The following NUF2 variants were observed in gnomAD, a reference collection of about 807,000 sequenced individuals.
The protein encoded by NUF2 is kinetochore protein Nuf2.
A neutral mutation model predicts 61.8 loss-of-function variants in NUF2; 34 were observed. That is an observed-to-expected ratio of 0.55 (90% CI 0.42 to 0.73). The LOEUF is 0.73. NUF2 is among the 30% of genes least tolerant of loss of function. The probability of loss-of-function intolerance (pLI) is 0.00; values close to 1 mark genes in which losing one functional copy is unlikely to be tolerated. For missense variants in NUF2, 445 were observed against 539.1 expected, an observed-to-expected ratio of 0.83 and a Z score of 1.73; for synonymous variants, 172 against 181.6, an observed-to-expected ratio of 0.95 and a Z score of 0.42.
In NUF2 at chr1:163,349,866, G is replaced by A. The variant is rs529960185; in HGVS notation, c.1260+786G>A. Among the ~76,000 whole-genome samples the A allele has an allele frequency of 3.3e-5, 5 of 151,848 alleles. No homozygotes were observed. The East Asian group carries it at 5.8e-4, about 18-fold the overall frequency. On this transcript the variant is annotated intron_variant, in intron 13 of 13. Coordinates refer to ENST00000271452, the MANE Select transcript of NUF2 (RefSeq NM_145697.3). ...AGAAATAAAATGGTTGGGATTTCAC[G>A]TCCATGGTCTTCCCAATACCTGGCC...
chr1:163,325,160 G>A (rs143705892), intron 1 of NUF2, among the ~76,000 whole-genome samples: 1 of 152,172 alleles, frequency 6.6e-6, no homozygotes, highest in Admixed American at 6.5e-5. Context: ...GCCTCCCAAA[G>A]TGCTGAGATT....
At chr1:163,330,839 T>A (rs1480379978) in intron 5 of NUF2, among the ~76,000 whole-genome samples, 1 of 152,048 alleles carries the variant, frequency 6.6e-6, no homozygotes, top group Non-Finnish European at 1.5e-5. Context: ...AAATTTAATT[T>A]AAATTTTCTG....
chr1:163,323,555 C>A lies in NUF2; in HGVS notation c.-21+1343C>A, dbSNP rs1198323418. Reference sequence around the variant, plus strand: ...GCAACATAGTGAGACCCTATCTCCACACACACACAAATTAACAGGGCGTGG... The same window carrying A: ...GCAACATAGTGAGACCCTATCTCCAAACACACACAAATTAACAGGGCGTGG... On this transcript the variant is annotated intron_variant, in intron 1 of 13. Transcript: ENST00000271452. 6.6e-5 allele frequency among the ~76,000 whole-genome samples: 10 copies of A among 151,700 alleles called. No homozygotes were observed. The East Asian group carries it at 1.9e-3, about 29-fold the overall frequency.
chr1:163,353,483 A>G (rs1273979756), intron 13 of NUF2, among the ~76,000 whole-genome samples: 1 of 152,168 alleles, frequency 6.6e-6, no homozygotes, highest in Non-Finnish European at 1.5e-5. Flanking sequence ...GGCTGGTGCA[A>G]CTGAGGGACT....
intron 13 of NUF2, among the ~76,000 whole-genome samples, chr1:163,354,419 C>T (rs929767918): frequency 6.6e-5 from 10 of 152,016 alleles, no homozygotes; most frequent in African/African-American, 2.2e-4. Context: ...GGTTCTTTTT[C>T]GGAATACTGT....
chr1:163,324,869 G>A (rs1024302869), intron 1 of NUF2, among the ~76,000 whole-genome samples: 7 of 150,416 alleles, frequency 4.7e-5, no homozygotes, highest in South Asian at 2.1e-4. Context: ...TAAATGCAAG[G>A]CTCTAGGACA....
At chr1:163,348,547 A>C (rs1571398549) in intron 12 of NUF2, among the ~76,000 whole-genome samples, 1 of 152,134 alleles carries the variant, frequency 6.6e-6, no homozygotes, top group East Asian at 1.9e-4. Context: ...AAAGGGCAGA[A>C]CTTAAGGATT....
chr1:163,327,807 A>G (rs1414222720), intron 3 of NUF2: 1 of 458,946 alleles, frequency 2.2e-6, no homozygotes, highest in Admixed American at 3.9e-5. Flanking sequence ...GACACAGATC[A>G]TTGATGCAAT....
intron 13 of NUF2, among the ~76,000 whole-genome samples, chr1:163,350,874 G>C (rs1405577872): frequency 1.3e-5 from 2 of 152,040 alleles, no homozygotes; most frequent in Non-Finnish European, 2.9e-5. Flanking sequence ...CACCCAAGCT[G>C]TTCTACTAGG....
At chr1:163,330,541 G>T (rs1650559826) in intron 5 of NUF2, among the ~76,000 whole-genome samples, 1 of 151,896 alleles carries the variant, frequency 6.6e-6, no homozygotes, top group Admixed American at 6.6e-5. Flanking sequence ...TGGCTATTCT[G>T]GTCCTTTGCA....
chr1:163,352,903 C>G (rs1651371318), intron 13 of NUF2, among the ~76,000 whole-genome samples: 1 of 152,090 alleles, frequency 6.6e-6, no homozygotes, highest in South Asian at 2.1e-4. Flanking sequence ...CTAATCATTT[C>G]CATTATTTAA....
Position 163,336,825 on chromosome 1 carries a change from T to C in NUF2, c.412T>C (p.Tyr138His). The change falls in exon 6 of 14, where the codon TAT becomes CAT. Residue 138 changes from tyrosine to histidine, a missense_variant. Tyr to His is a moderately conservative substitution (Grantham distance 83). Coordinates refer to ENST00000271452, the MANE Select transcript of NUF2 (RefSeq NM_145697.3). The part of the protein sequence containing the change: ...IHFREACRET[Y>H]MEFLWQYKSS... Reference sequence around the variant, plus strand: ...CTTCAGAGAAGCATGCCGTGAAACGTATATGGAATTTCTTTGGCAATATGT... The same window carrying C: ...CTTCAGAGAAGCATGCCGTGAAACGCATATGGAATTTCTTTGGCAATATGT... 1.9e-6 allele frequency: 3 copies of C among 1,611,126 alleles called. No individual in the cohort carries two copies. Among genetic ancestry groups the C allele is most frequent in the Non-Finnish European group, 2.5e-6 (3 of 1,177,552 alleles).
At chr1:163,340,321 A>G in intron 8 of NUF2, 43 bp from the exon 9 acceptor site, 1 of 1,460,064 alleles carries the variant, frequency 6.8e-7, no homozygotes. Context: ...GCTAAATCTA[A>G]ATGTTTTGAA....
intron 5 of NUF2, among the ~76,000 whole-genome samples, chr1:163,335,112 C>T (rs769323213): frequency 6.6e-6 from 1 of 152,152 alleles, no homozygotes; most frequent in Non-Finnish European, 1.5e-5. Context: ...TGTAACCACA[C>T]CCAGCTAATT....
chr1:163,333,777 T>C (rs1391002787), intron 5 of NUF2, among the ~76,000 whole-genome samples: 6 of 152,218 alleles, frequency 3.9e-5, no homozygotes, highest in Non-Finnish European at 7.3e-5. Flanking sequence ...TTAATCGATA[T>C]TAGATTTGTG....
chr1:163,341,175 A>G (rs1301353565), intron 9 of NUF2, among the ~76,000 whole-genome samples: 1 of 151,808 alleles, frequency 6.6e-6, no homozygotes, highest in Non-Finnish European at 1.5e-5. Context: ...TTACTGTTAC[A>G]TTGAAAAAAA....
At chr1:163,331,036 T>TG (rs1650581345) in intron 5 of NUF2, among the ~76,000 whole-genome samples, 1 of 151,408 alleles carries the variant, frequency 6.6e-6, no homozygotes, top group South Asian at 2.1e-4. Context: ...TTTTTTTTTT[T>TG]TTTTTACGTT....
intron 3 of NUF2, 98 bp downstream of exon 3, chr1:163,327,660 A>G: frequency 1.4e-6 from 1 of 730,296 alleles, no homozygotes; most frequent in Non-Finnish European, 2.4e-6. Flanking sequence ...GGCTTTTAGG[A>G]TAGGAAGTTC....
chr1:163,351,362 T>C (rs958112022), intron 13 of NUF2, among the ~76,000 whole-genome samples: 30 of 152,324 alleles, frequency 2.0e-4, no homozygotes, highest in African/African-American at 6.5e-4. Context: ...GTTAAGAGTT[T>C]TTCACCATAC....
Sources: gnomAD v4.1 joint callset for allele counts (sites outside exome capture counted in the v4.1 genomes callset) on GRCh38, gnomAD v4.1.1 for gene constraint, MANE v1.5 for transcripts, NCBI Gene and HGNC (gene_info 2026-07-23, HGNC 2026-07-21) for gene names.